BRWD3: variants seen among roughly 807,000 people sequenced by gnomAD.
BRWD3 encodes the protein bromodomain and WD repeat-containing protein 3.
Under a neutral mutation model 149.7 loss-of-function variants are expected in BRWD3, and 10 were observed. The ratio of observed to expected loss-of-function variants is 0.07; its 90% CI spans 0.04 to 0.11. BRWD3 has a LOEUF of 0.11. Among genes scored for constraint, BRWD3 ranks in the 10% least tolerant of loss-of-function variants. BRWD3 has a pLI of 1.00. For missense variants in BRWD3, 940 were observed against 1,373.2 expected (o/e 0.68, Z 4.99); for synonymous variants, 504 against 456.7 (o/e 1.10, Z -1.32).
intron 6 of BRWD3, among the ~76,000 whole-genome samples, chrX:80,754,262 GT>G (rs1016222947): frequency 1.8e-5 from 2 of 111,342 alleles, no homozygotes; most frequent in Non-Finnish European, 3.8e-5. Flanking sequence ...GATTTTGGGG[GT>G]TTTTTTGTAG....
intron 19 of BRWD3, 133 bp from the exon 20 acceptor site, chrX:80,716,383 A>T (rs1034654372): frequency 1.8e-5 from 9 of 508,743 alleles, no homozygotes; most frequent in Non-Finnish European, 9.9e-6. Context: ...ATTCAGTGGC[A>T]TCAATTACAT....
chrX:80,805,826 T>G (rs7050680), intron 4 of BRWD3, among the ~76,000 whole-genome samples: 2,980 of 110,918 alleles, frequency 0.027, 116 homozygotes, highest in African/African-American at 0.092. Context: ...TCCCAGCTAC[T>G]TGGGAGGCTG....
Position 80,670,166 on chromosome X carries a change from A to G in BRWD3, c.*6443T>C, listed in dbSNP as rs767763612. On this transcript the variant is annotated 3_prime_UTR_variant, in exon 41 of 41. Coordinates refer to ENST00000373275, the MANE Select transcript of BRWD3 (RefSeq NM_153252.5). ...CCCTAGAACTTTGGGGGAAAAATCG[A>G]TACCGTAAAAAGTTTACTTCATTTA... Among the ~76,000 whole-genome samples, 2 of 111,117 alleles carry G rather than the reference A, an allele frequency of 1.8e-5. No homozygotes were observed. Among genetic ancestry groups the G allele is most frequent in the Non-Finnish European group, 3.8e-5 (2 of 53,020 alleles).
chrX:80,676,319 C>G lies in BRWD3; in HGVS notation c.*290G>C. 1 of 331,849 alleles carries G rather than the reference C, an allele frequency of 3.0e-6. No individual in the cohort carries two copies. Among genetic ancestry groups the G allele is most frequent in the Non-Finnish European group, 5.2e-6 (1 of 191,841 alleles). The allele number at this position is 331,849 out of a possible 1,213,427, so 27.3% of individuals were successfully genotyped here. On this transcript the variant is annotated 3_prime_UTR_variant, in exon 41 of 41. Coordinates refer to ENST00000373275, the MANE Select transcript of BRWD3 (RefSeq NM_153252.5). The stretch of plus-strand genomic sequence containing the variant: ...CTTTAATGTAGTAAATCTGTAGTGT[C>G]TGTGTTGTGTTTCGTGTGTGTGTGT...
chrX:80,768,337 C>T (rs956450113), intron 6 of BRWD3, among the ~76,000 whole-genome samples: 3 of 111,283 alleles, frequency 2.7e-5, no homozygotes, highest in South Asian at 7.7e-4. Context: ...AGAGAAAGGT[C>T]GAGTTACCCA....
rs778419234 is a variant in BRWD3, at chrX:80,681,409, C to T, written c.4586G>A (p.Arg1529Gln). ...FSSSSFGGYS[R>Q]SGNSHDPGKA... ...CCCTGGGTCATGGCTATTTCCACTT[C>T]GGCTATATCCACCGAAGCTCGATGA... Residue 1529 changes from arginine to glutamine, a missense_variant, in exon 40 of 41, where the codon CGA becomes CAA. This residue lies in a region of BRWD3 where 349 missense variants were observed against 419.6 expected (regional missense o/e 0.83). Transcript: ENST00000373275. 1.1e-5 allele frequency: 13 copies of T among 1,210,067 alleles called. No individual in the cohort carries two copies. Among genetic ancestry groups the T allele is most frequent in the Admixed American group, 2.2e-5 (1 of 45,863 alleles).
At chrX:80,733,544 T>C (rs2073363821) in intron 11 of BRWD3, 48 bp from the exon 12 acceptor site, 3 of 992,503 alleles carry the variant, frequency 3.0e-6, no homozygotes, top group African/African-American at 1.9e-5. Context: ...ATTTGTAAAA[T>C]GAATTAAGTG....
intron 4 of BRWD3, among the ~76,000 whole-genome samples, chrX:80,798,473 T>G (rs892564234): frequency 2.0e-4 from 22 of 111,366 alleles, no homozygotes; most frequent in African/African-American, 6.8e-4. Context: ...TATAAACCAC[T>G]CTTTTTGTTT....
chrX:80,768,148 AAC>A (rs1344029113), intron 6 of BRWD3, among the ~76,000 whole-genome samples: 1 of 111,919 alleles, frequency 8.9e-6, no homozygotes, highest in African/African-American at 3.3e-5. Context: ...CAAGTTGGAA[AAC>A]ACTCTTCAGG....
chrX:80,796,154 G>A (rs780321704), intron 4 of BRWD3, among the ~76,000 whole-genome samples: 5 of 104,372 alleles, frequency 4.8e-5, no homozygotes, highest in East Asian at 5.9e-4. Context: ...TTTTTGAGTC[G>A]GAGTCTCGCT....
At chrX:80,733,374 A>G in intron 12 of BRWD3, 82 bp downstream of exon 12, 2 of 761,119 alleles carry the variant, frequency 2.6e-6, no homozygotes, top group Non-Finnish European at 4.0e-6. Context: ...TAAGGTATCT[A>G]TCATAGAAGT....
chrX:80,793,758 T>G lies in BRWD3; in HGVS notation c.195A>C (p.Ala65=), dbSNP rs1264658773. 1 of 1,206,746 alleles carries G rather than the reference T, an allele frequency of 8.3e-7. No homozygotes were observed. The highest frequency in any genetic ancestry group is 3.0e-5 in the East Asian group (1 of 33,796). ...TAAGGAGGTAGTCTGGAGGAATGTG[T>G]GCATTTGCTGCCACCTAAAAAAGTA... ...RSFEDLVAAN[A]HIPPDYLLKI... Residue 65 remains alanine (A), a synonymous_variant, in exon 5 of 41, where the codon GCA becomes GCC. Transcript: ENST00000373275.
chrX:80,787,812 T>C (rs1003888921), intron 6 of BRWD3, among the ~76,000 whole-genome samples: 198 of 111,332 alleles, frequency 1.8e-3, no homozygotes, highest in Non-Finnish European at 3.2e-3. Context: ...AGGCCGGGCG[T>C]GGTGGCTCAC....
At chrX:80,777,076 A>C (rs1012402533) in intron 6 of BRWD3, among the ~76,000 whole-genome samples, 1 of 110,375 alleles carries the variant, frequency 9.1e-6, no homozygotes, top group Non-Finnish European at 1.9e-5. Flanking sequence ...CTTAAACAAA[A>C]AAAAAAAATG....
At chrX:80,792,888 G>A (rs1195669989) in intron 5 of BRWD3, among the ~76,000 whole-genome samples, 1 of 110,376 alleles carries the variant, frequency 9.1e-6, no homozygotes, top group African/African-American at 3.3e-5. Context: ...CTGAGGCCCG[G>A]CGCAGTGGTT....
chrX:80,795,614 C>T (rs942046944), intron 4 of BRWD3, among the ~76,000 whole-genome samples: 2 of 109,651 alleles, frequency 1.8e-5, no homozygotes, highest in Admixed American at 9.9e-5. Flanking sequence ...GGAACGGTGG[C>T]TCATGCCTGT....
At chrX:80,763,854 T>C (rs754312125) in intron 6 of BRWD3, among the ~76,000 whole-genome samples, 5 of 112,017 alleles carry the variant, frequency 4.5e-5, no homozygotes, top group Non-Finnish European at 7.5e-5. Flanking sequence ...CAAAAGGCTT[T>C]TGTAGACATC....
At chrX:80,717,862 G>A (rs2073095429) in intron 18 of BRWD3, 103 bp from the exon 19 acceptor site, 2 of 701,967 alleles carry the variant, frequency 2.8e-6, no homozygotes, top group East Asian at 3.4e-5. Context: ...TAGTACTGCT[G>A]TAAGAATTGC....
At chrX:80,799,278 A>T (rs2074269804) in intron 4 of BRWD3, among the ~76,000 whole-genome samples, 1 of 111,842 alleles carries the variant, frequency 8.9e-6, no homozygotes, top group South Asian at 3.7e-4. Context: ...AATAAAATGT[A>T]AAAGGTAGCA....
Sources: gnomAD v4.1 joint callset for allele counts (sites outside exome capture counted in the v4.1 genomes callset) on GRCh38, gnomAD v4.1.1 for gene constraint, gnomAD v4.1.1 regional missense constraint, MANE v1.5 for transcripts, NCBI Gene and HGNC (gene_info 2026-07-23, HGNC 2026-07-21) for gene names.